Variants in RBFOX1 observed in about 807,000 individuals in gnomAD.
RBFOX1 encodes the protein RNA binding fox-1 homolog 1, also known as RNA binding protein fox-1 homolog 1.
Under a neutral mutation model 57.7 loss-of-function variants are expected in RBFOX1, and 8 were observed. The ratio of observed to expected loss-of-function variants is 0.14; its 90% CI spans 0.08 to 0.25. The LOEUF (loss-of-function observed/expected upper bound fraction) is 0.25, where lower values mean the gene tolerates loss of function less well. RBFOX1 is among the 10% of genes least tolerant of loss of function. RBFOX1 has a pLI of 1.00. For synonymous variants in RBFOX1, 326 were observed against 222.4 expected (o/e 1.47, Z -4.15); for missense variants, 611 against 548.5 (o/e 1.11, Z -1.14).
At chr16:6,519,572 A>T (rs1240044096) in intron 2 of RBFOX1, among the ~76,000 whole-genome samples, 1 of 152,108 alleles carries the variant, frequency 6.6e-6, no homozygotes, top group Non-Finnish European at 1.5e-5. Context: ...GTGGTGGTAC[A>T]TGCCTGCAAT....
intron 3 of RBFOX1, among the ~76,000 whole-genome samples, chr16:5,657,652 CTT>C (rs377709791): frequency 8.6e-6 from 1 of 115,702 alleles, no homozygotes; most frequent in African/African-American, 3.2e-5. Flanking sequence ...TTCTTTCTTT[CTT>C]TTCTTTTCTT....
At chr16:6,100,588 A>G (rs1444858327) in intron 1 of RBFOX1, among the ~76,000 whole-genome samples, 1 of 152,202 alleles carries the variant, frequency 6.6e-6, no homozygotes, top group Non-Finnish European at 1.5e-5. Context: ...ATCAGTTTGG[A>G]TTCTCTTTTT....
chr16:6,337,618 C>T (rs2083949491), intron 2 of RBFOX1, among the ~76,000 whole-genome samples: 1 of 152,190 alleles, frequency 6.6e-6, no homozygotes, highest in South Asian at 2.1e-4. Context: ...TACAAAGACA[C>T]GTGCTGTCAA....
intron 3 of RBFOX1, among the ~76,000 whole-genome samples, chr16:5,799,105 A>T (rs1252341468): frequency 6.6e-6 from 1 of 152,190 alleles, no homozygotes; most frequent in Non-Finnish European, 1.5e-5. Context: ...GGGAGGCCTC[A>T]CAATCATGGT....
At chr16:7,189,040 A>G (rs1178135846) in intron 4 of RBFOX1, among the ~76,000 whole-genome samples, 4 of 152,128 alleles carry the variant, frequency 2.6e-5, no homozygotes, top group Admixed American at 2.6e-4. Flanking sequence ...TGGAGGTGAT[A>G]CGGAGTGATT....
chr16:5,763,973 A>G (rs962165877), intron 3 of RBFOX1, among the ~76,000 whole-genome samples: 3 of 152,166 alleles, frequency 2.0e-5, no homozygotes, highest in African/African-American at 7.2e-5. Flanking sequence ...TCTATCTCCT[A>G]TGCTAGAACA....
intron 2 of RBFOX1, among the ~76,000 whole-genome samples, chr16:6,620,955 G>A (rs2098221086): frequency 6.6e-6 from 1 of 152,334 alleles, no homozygotes; most frequent in South Asian, 2.1e-4. Context: ...CACAATTTGA[G>A]AAGGCAGAAG....
intron 1 of RBFOX1, among the ~76,000 whole-genome samples, chr16:5,459,500 A>G (rs1453742777): frequency 6.6e-6 from 1 of 152,138 alleles, no homozygotes; most frequent in East Asian, 1.9e-4. Flanking sequence ...TCACGTGACC[A>G]ACCGCCTGAC....
intron 5 of RBFOX1, among the ~76,000 whole-genome samples, chr16:7,569,578 C>G (rs1020468776): frequency 1.3e-5 from 2 of 152,158 alleles, no homozygotes. Context: ...GATTAGCAAC[C>G]TTAATTCTCC....
intron 3 of RBFOX1, among the ~76,000 whole-genome samples, chr16:6,814,689 A>G (rs2089641713): frequency 6.6e-6 from 1 of 152,180 alleles, no homozygotes; most frequent in Non-Finnish European, 1.5e-5. Flanking sequence ...AGGGAGCAGC[A>G]TGTGGAAGGT....
intron 1 of RBFOX1, among the ~76,000 whole-genome samples, chr16:6,207,111 C>T (rs2097260562): frequency 6.6e-6 from 1 of 152,042 alleles, no homozygotes; most frequent in Non-Finnish European, 1.5e-5. Context: ...TGCATTCCTG[C>T]CAAGCAGGCT....
chr16:5,994,742 T>C (rs1206737125), intron 4 of RBFOX1, among the ~76,000 whole-genome samples: 1 of 152,166 alleles, frequency 6.6e-6, no homozygotes, highest in African/African-American at 2.4e-5. Flanking sequence ...ATTTGGCCCA[T>C]GGGCAGTAGT....
At chr16:6,300,572 G>A (rs1274598738) in intron 1 of RBFOX1, among the ~76,000 whole-genome samples, 1 of 152,184 alleles carries the variant, frequency 6.6e-6, no homozygotes, top group Non-Finnish European at 1.5e-5. Flanking sequence ...TCGTACTGTT[G>A]TTAGGTTGGA....
intron 4 of RBFOX1, among the ~76,000 whole-genome samples, chr16:7,386,615 C>T (rs953105860): frequency 6.6e-6 from 1 of 152,038 alleles, no homozygotes; most frequent in African/African-American, 2.4e-5. Context: ...TTTCTTTATT[C>T]AGTCTTTATC....
intron 1 of RBFOX1, among the ~76,000 whole-genome samples, chr16:5,275,132 A>G (rs533233254): frequency 2.6e-5 from 4 of 152,216 alleles, no homozygotes; most frequent in Non-Finnish European, 5.9e-5. Flanking sequence ...AGCAAGGAAG[A>G]GGTACAGTGT....
intron 1 of RBFOX1, among the ~76,000 whole-genome samples, chr16:5,439,396 C>T (rs1183503854): frequency 1.3e-5 from 2 of 152,032 alleles, no homozygotes; most frequent in African/African-American, 2.4e-5. Flanking sequence ...GATTTTGGTA[C>T]CTGGGTAGAA....
chr16:7,703,963 A>C (rs57314838), intron 14 of RBFOX1, among the ~76,000 whole-genome samples: 5,918 of 152,308 alleles, frequency 0.039, 313 homozygotes, highest in East Asian at 0.22. Flanking sequence ...TGTGAAATAC[A>C]ATCTAAGAAG....
rs564403944 is a variant in RBFOX1, at chr16:7,229,337, G to A, written c.27+177239G>A. Among the ~76,000 whole-genome samples the A allele has an allele frequency of 4.6e-5, 7 of 152,204 alleles. 1 individual carries two copies. In the South Asian group the frequency reaches 1.0e-3, roughly 23 times the overall value. ...TTTCCTTTAAAAATGAAATGAAACT[G>A]CTCGGCTTTCCTTACATTAACCTTA... On this transcript the variant is annotated intron_variant, in intron 4 of 15. Transcript: ENST00000550418.
Position 7,271,580 on chromosome 16 carries a change from G to A in RBFOX1, c.27+219482G>A, listed in dbSNP as rs115952561. 3.1e-3 allele frequency among the ~76,000 whole-genome samples: 467 copies of A among 152,150 alleles called. 5 individuals carry two copies. The highest frequency in any genetic ancestry group is 0.023 in the South Asian group (111 of 4,812). On this transcript the variant is annotated intron_variant, in intron 4 of 15. Transcript: ENST00000550418. ...AACTAGAAGCTCGATGTTATGAGTT[G>A]AAGCATAATTATGCAAGCAACTTAA...
Sources: allele counts gnomAD v4.1 joint callset (sites outside exome capture counted in the v4.1 genomes callset), GRCh38; gene constraint gnomAD v4.1.1; transcripts MANE v1.5; gene names NCBI Gene and HGNC (gene_info 2026-07-23, HGNC 2026-07-21).